Variants in TRAF3IP1 observed in about 807,000 individuals in gnomAD.
TRAF3IP1 encodes intraflagellar transport 54.
In TRAF3IP1, 53 loss-of-function variants were observed where a neutral mutation model predicts 89.9. The observed-to-expected ratio is 0.59, with a 90% CI of 0.47 to 0.74. The LOEUF (loss-of-function observed/expected upper bound fraction) is 0.74. Among genes scored for constraint, TRAF3IP1 ranks in the 30% least tolerant of loss-of-function variants. The pLI is 0.00. For missense variants in TRAF3IP1, 806 were observed against 866.1 expected (o/e 0.93, Z 0.87); for synonymous variants, 311 against 322.1 (o/e 0.97, Z 0.37).
At chr2:238,368,740 G>T (rs536076976) in intron 15 of TRAF3IP1, among the ~76,000 whole-genome samples, 1 of 151,944 alleles carries the variant, frequency 6.6e-6, no homozygotes, top group Admixed American at 6.6e-5. Flanking sequence ...GCGTGATCTC[G>T]GCTCACTGCA....
At chr2:238,371,226 A>G (rs1700098636) in intron 15 of TRAF3IP1, among the ~76,000 whole-genome samples, 1 of 152,202 alleles carries the variant, frequency 6.6e-6, no homozygotes, top group African/African-American at 2.4e-5. Context: ...TGTGCCAGGT[A>G]AAAAGGAAAC....
At chr2:238,336,798 G>A (rs1698408986) in intron 7 of TRAF3IP1, among the ~76,000 whole-genome samples, 1 of 152,108 alleles carries the variant, frequency 6.6e-6, no homozygotes, top group Non-Finnish European at 1.5e-5. Context: ...CCCCTGAAAA[G>A]GAACATAACT....
chr2:238,377,235 T>TC (rs1439788064), intron 15 of TRAF3IP1, among the ~76,000 whole-genome samples: 3 of 134,540 alleles, frequency 2.2e-5, no homozygotes, highest in Admixed American at 7.3e-5. Context: ...ATTTTCTTTT[T>TC]TTTTTTTTTT....
chr2:238,343,830 T>C (rs1388789461), intron 8 of TRAF3IP1, among the ~76,000 whole-genome samples: 3 of 151,960 alleles, frequency 2.0e-5, no homozygotes, highest in Admixed American at 1.3e-4. Context: ...TTTTTAAATT[T>C]TATATTTTTT....
intron 15 of TRAF3IP1, among the ~76,000 whole-genome samples, chr2:238,358,989 A>G (rs1286168995): frequency 2.0e-5 from 3 of 152,212 alleles, no homozygotes; most frequent in African/African-American, 7.2e-5. Context: ...TCTTGCAACT[A>G]TTGAATTCTG....
rs1470362115 is a variant in TRAF3IP1 at position 238,381,327 on chromosome 2, G to C, written c.1690-16132G>C. On this transcript the variant is annotated intron_variant, in intron 15 of 16. Transcript: ENST00000373327. ...TAGAAAAGTTTCTTTGGGACTTGCAGATGGGGCTGGATTCGAGGAGGGCCT... is the reference window on the plus strand; with the variant it reads ...TAGAAAAGTTTCTTTGGGACTTGCACATGGGGCTGGATTCGAGGAGGGCCT... Among the ~76,000 whole-genome samples the C allele has an allele frequency of 3.3e-5, 5 of 152,320 alleles. No individual in the cohort carries two copies. The East Asian group carries it at 9.7e-4, about 29-fold the overall frequency.
intron 15 of TRAF3IP1, among the ~76,000 whole-genome samples, chr2:238,395,850 A>G (rs1203785403): frequency 6.6e-6 from 1 of 152,234 alleles, no homozygotes; most frequent in Non-Finnish European, 1.5e-5. Context: ...CACCAGTTAG[A>G]ATGGCGATCA....
intron 14 of TRAF3IP1, 83 bp downstream of exon 14, chr2:238,353,292 T>C: frequency 6.8e-7 from 1 of 1,470,716 alleles, no homozygotes; most frequent in South Asian, 1.2e-5. Context: ...AAGGATCCAG[T>C]GCAAGGGACT....
chr2:238,325,252 T>C, intron 1 of TRAF3IP1, 54 bp from the exon 2 acceptor site: 5 of 1,560,850 alleles, frequency 3.2e-6, no homozygotes, highest in Non-Finnish European at 4.4e-6. Context: ...TGGATGAGGC[T>C]GATGAGGAGG....
chr2:238,344,415 G>A (rs1184095948), intron 8 of TRAF3IP1, 82 bp from the exon 9 acceptor site: 2 of 1,053,762 alleles, frequency 1.9e-6, no homozygotes, highest in South Asian at 2.8e-5. Flanking sequence ...ATAAGTAAGT[G>A]TGCTCTATGT....
chr2:238,389,670 C>A (rs1014633240), intron 15 of TRAF3IP1, among the ~76,000 whole-genome samples: 5 of 151,546 alleles, frequency 3.3e-5, no homozygotes, highest in Admixed American at 1.3e-4. Flanking sequence ...ATCTCTTGAA[C>A]CTGGGAGGTG....
At chr2:238,332,301 G>A (rs1054765049) in intron 5 of TRAF3IP1, among the ~76,000 whole-genome samples, 3 of 152,190 alleles carry the variant, frequency 2.0e-5, no homozygotes, top group Non-Finnish European at 4.4e-5. Flanking sequence ...GAGATAAGAT[G>A]GTGTTTACGG....
At chr2:238,377,171 C>G (rs1262517666) in intron 15 of TRAF3IP1, among the ~76,000 whole-genome samples, 3 of 150,922 alleles carry the variant, frequency 2.0e-5, no homozygotes, top group African/African-American at 7.3e-5. Context: ...AGGCCCTCTG[C>G]TAGAGTAGGA....
chr2:238,369,911 G>C (rs865955650), intron 15 of TRAF3IP1, among the ~76,000 whole-genome samples: 1 of 152,270 alleles, frequency 6.6e-6, no homozygotes, highest in South Asian at 2.1e-4. Context: ...TGCGCAGATG[G>C]CCTCAGATTT....
intron 15 of TRAF3IP1, among the ~76,000 whole-genome samples, chr2:238,375,831 T>C (rs946023469): frequency 6.6e-5 from 10 of 152,220 alleles, no homozygotes; most frequent in Admixed American, 5.2e-4. Context: ...TTTAAAAAAG[T>C]AAAGCTTTGT....
chr2:238,397,727 G>T, intron 16 of TRAF3IP1, 48 bp downstream of exon 16: 1 of 251,500 alleles, frequency 4.0e-6, no homozygotes. Context: ...AGCAGAGGTG[G>T]GGGGTAGTAA....
At position 238,329,191 on chromosome 2, in the gene TRAF3IP1, G is replaced by C. The variant is rs779874921; in HGVS notation, c.764G>C (p.Gly255Ala). The C allele has an allele frequency of 7.2e-5, 113 of 1,568,760 alleles. 1 individual carries two copies. The East Asian group carries it at 2.3e-3, about 32-fold the overall frequency. The change falls in exon 5 of 17, where the codon GGG becomes GCG. Residue 255 changes from glycine (G) to alanine (A), a missense_variant. Physicochemically the swap from Gly to Ala is moderately conservative, Grantham distance 60. Coordinates refer to ENST00000373327, the MANE Select transcript of TRAF3IP1 (RefSeq NM_015650.4). ...AAGGAGACAGAGAGAAAGAGTGAGGGGGGGAAAGAGAAGGAGAGACTGAGA... is the reference window on the plus strand; with the variant it reads ...AAGGAGACAGAGAGAAAGAGTGAGGCGGGGAAAGAGAAGGAGAGACTGAGA... Reference protein sequence around the residue: ...RKKETERKSEGGKEKERLRDR... With the variant: ...RKKETERKSEAGKEKERLRDR...
At chr2:238,328,878 G>A in intron 4 of TRAF3IP1, 48 bp from the exon 5 acceptor site, 1 of 1,592,836 alleles carries the variant, frequency 6.3e-7, no homozygotes, top group Non-Finnish European at 8.5e-7. Flanking sequence ...GAGTCTTTTT[G>A]TAGTTTAGGT....
rs749136615 is a variant in TRAF3IP1, at chr2:238,325,388, G to A, written c.192+14G>A. The A allele has an allele frequency of 1.2e-5, 19 of 1,613,866 alleles. No individual in the cohort carries two copies. Among genetic ancestry groups the A allele is most frequent in the South Asian group, 6.6e-5 (6 of 91,070 alleles). ...GATAATGTGAAGGTGGGTTTGAGTCGGGCTTCTCCTATTGACTCCTCGCCT... is the reference window on the plus strand; with the variant it reads ...GATAATGTGAAGGTGGGTTTGAGTCAGGCTTCTCCTATTGACTCCTCGCCT... On this transcript the variant is annotated intron_variant, in intron 2 of 16. Coordinates refer to ENST00000373327, the MANE Select transcript of TRAF3IP1 (RefSeq NM_015650.4).
Sources: gnomAD v4.1 joint callset for allele counts (sites outside exome capture counted in the v4.1 genomes callset) on GRCh38, gnomAD v4.1.1 for gene constraint, MANE v1.5 for transcripts, NCBI Gene and HGNC (gene_info 2026-07-23, HGNC 2026-07-21) for gene names.